Variants in FANCD2OS observed in about 807,000 individuals in gnomAD.
The protein encoded by FANCD2OS is FANCD2 opposite strand protein.
FANCD2OS carries 11 observed loss-of-function variants against 13.2 expected under a neutral mutation model. The ratio of observed to expected loss-of-function variants is 0.83; its 90% CI spans 0.52 to 1.38. FANCD2OS has a LOEUF of 1.38. FANCD2OS is among the 40% of genes most tolerant of loss of function. FANCD2OS has a pLI of 0.00. For synonymous variants in FANCD2OS, 69 were observed against 84.5 expected (o/e 0.82, Z 1.01); for missense variants, 217 against 213.9 (o/e 1.01, Z -0.09).
rs200544843 is a variant in FANCD2OS, at chr3:10,095,181, A to G, written c.*43+9017T>C. The G allele has an allele frequency of 1.3e-4, 201 of 1,602,168 alleles. No homozygotes were observed. The highest frequency in any genetic ancestry group is 1.6e-4 in the Non-Finnish European group (183 of 1,169,196). On this transcript the variant is annotated intron_variant, in intron 2 of 2. Transcript: ENST00000524279. Reference sequence around the variant, plus strand: ...AATCAGGACATTTCATAGAGCATTTATAAACTTATTGGTTATAGGAAGATG... The same window carrying G: ...AATCAGGACATTTCATAGAGCATTTGTAAACTTATTGGTTATAGGAAGATG...
chr3:10,101,810 T>C (rs1368883657), downstream of FANCD2OS: 3 of 196,200 alleles, frequency 1.5e-5, no homozygotes, highest in Non-Finnish European at 3.2e-5. Context: ...CCAGCTGTGC[T>C]ACACTGCAGA....
chr3:10,092,073 T>C, intron 2 of FANCD2OS: 4 of 874,106 alleles, frequency 4.6e-6, no homozygotes, highest in African/African-American at 3.3e-5. Context: ...GATAATTGGC[T>C]TAAATATCTG....
At chr3:10,105,764 AAAAAAAAT>A (rs1376625518) in intron 1 of FANCD2OS, among the ~76,000 whole-genome samples, 4,248 of 66,956 alleles carry the variant, frequency 0.063, 381 homozygotes, top group African/African-American at 0.2. Flanking sequence ...AAAAAAAAAA[AAAAAAAAT>A]TATATATATA....
chr3:10,094,986 A>G, intron 2 of FANCD2OS: 1 of 578,260 alleles, frequency 1.7e-6, no homozygotes, highest in Non-Finnish European at 3.1e-6. Context: ...CAGGTCTTAT[A>G]ACTCTCAGAT....
chr3:10,094,952 G>A (rs953245235), intron 2 of FANCD2OS: 9 of 520,902 alleles, frequency 1.7e-5, no homozygotes, highest in Admixed American at 6.3e-5. Context: ...ACTGAGACAT[G>A]GTAACCTATG....
In FANCD2OS at chr3:10,085,879, C is replaced by T. The variant is rs1431938056; in HGVS notation, c.*44-4348G>A. 4.3e-6 allele frequency: 7 copies of T among 1,613,590 alleles called. No individual in the cohort carries two copies. In the African/African-American group the frequency reaches 9.3e-5, roughly 22 times the overall value. On this transcript the variant is annotated intron_variant, in intron 2 of 2. Coordinates refer to the FANCD2OS transcript ENST00000524279. Reference sequence around the variant, plus strand: ...AGCCCTCCATGTCCTTAGTAGCCGACTGAAACAGGGAGAACACAGCCAGCC... The same window carrying T: ...AGCCCTCCATGTCCTTAGTAGCCGATTGAAACAGGGAGAACACAGCCAGCC...
At chr3:10,090,358 G>T in intron 2 of FANCD2OS, 8 of 1,610,272 alleles carry the variant, frequency 5.0e-6, no homozygotes, top group Non-Finnish European at 6.8e-6. Context: ...AAAAAATTGA[G>T]CCTGGCACAG....
intron 1 of FANCD2OS, among the ~76,000 whole-genome samples, chr3:10,107,673 C>T (rs1004730099): frequency 6.6e-6 from 1 of 151,812 alleles, no homozygotes; most frequent in Non-Finnish European, 1.5e-5. Flanking sequence ...TAGGTCGCGG[C>T]GCGGTGGCTC....
At position 10,092,234 on chromosome 3, in the gene FANCD2OS, C is replaced by T; in HGVS notation, c.*44-10703G>A. The stretch of plus-strand genomic sequence containing the variant: ...ACATGGCTGTTCGAGACTTCAGTAT[C>T]CTCATCAACTTGATAAAGGTGAGTA... On this transcript the variant is annotated intron_variant, in intron 2 of 2. Transcript: ENST00000524279. The T allele has an allele frequency of 1.7e-5, 27 of 1,613,388 alleles. No individual in the cohort carries two copies. The highest frequency in any genetic ancestry group is 2.3e-5 in the Non-Finnish European group (27 of 1,179,366).
chr3:10,100,346 G>A (rs562381605), downstream of FANCD2OS, among the ~76,000 whole-genome samples: 1 of 152,108 alleles, frequency 6.6e-6, no homozygotes, highest in Non-Finnish European at 1.5e-5. Flanking sequence ...ACAGAATTTT[G>A]TACTGGATTC....
chr3:10,099,659 GA>G, downstream of FANCD2OS: 1 of 153,610 alleles, frequency 6.5e-6, no homozygotes, highest in Non-Finnish European at 1.4e-5. Flanking sequence ...TTGGGAGGCT[GA>G]GGCAGGAGAA....
chr3:10,084,504 C>T (rs1448421305), intron 2 of FANCD2OS, among the ~76,000 whole-genome samples: 1 of 151,612 alleles, frequency 6.6e-6, no homozygotes, highest in Non-Finnish European at 1.5e-5. Flanking sequence ...CGCCATGTTG[C>T]CCCCAGGCTG....
At chr3:10,107,964 C>T (rs1695547888) in intron 1 of FANCD2OS, 51 bp downstream of exon 1, 1 of 152,426 alleles carries the variant, frequency 6.6e-6, no homozygotes, top group Admixed American at 6.5e-5. Flanking sequence ...AAGGTTTCCC[C>T]TTCACACCCC....
intron 2 of FANCD2OS, chr3:10,090,159 C>T: frequency 1.5e-6 from 1 of 685,986 alleles, no homozygotes; most frequent in Non-Finnish European, 2.7e-6. Context: ...CTCCCCCATC[C>T]TCTTACTAAG....
intron 2 of FANCD2OS, chr3:10,087,283 T>A: frequency 1.6e-6 from 1 of 634,456 alleles, no homozygotes; most frequent in Non-Finnish European, 2.2e-6. Flanking sequence ...CCTAGATCCT[T>A]TTTTTTTTTT....
intron 2 of FANCD2OS, chr3:10,095,217 A>T: frequency 6.2e-7 from 1 of 1,614,000 alleles, no homozygotes; most frequent in Non-Finnish European, 8.5e-7. Context: ...TTCTGAGCTT[A>T]CTGGAAACCT....
At chr3:10,087,752 G>A (rs184328551) in intron 2 of FANCD2OS, among the ~76,000 whole-genome samples, 10 of 152,108 alleles carry the variant, frequency 6.6e-5, no homozygotes, top group African/African-American at 1.4e-4. Flanking sequence ...AGGTTCAAAC[G>A]ATTCTCCTGC....
At position 10,104,453 on chromosome 3, in the gene FANCD2OS, T is replaced by G; in HGVS notation, c.322A>C (p.Thr108Pro). ...GVDSVFGRVI[T>P]AQPPKWTGTF... ...CCGGTCCACTTTGGTGGCTGAGCTG[T>G]GATAACCCTGCCAAAGACAGAATCT... The change falls in exon 2 of 2, where the codon ACA becomes CCA. Residue 108 changes from threonine (T) to proline (P), a missense_variant. Transcript: ENST00000450660. 1 of 1,614,206 alleles carries G rather than the reference T, an allele frequency of 6.2e-7. No homozygotes were observed. Among genetic ancestry groups the G allele is most frequent in the Non-Finnish European group, 8.5e-7 (1 of 1,180,036 alleles).
intron 1 of FANCD2OS, among the ~76,000 whole-genome samples, chr3:10,105,574 A>G (rs1433242518): frequency 6.6e-6 from 1 of 151,130 alleles, no homozygotes; most frequent in Non-Finnish European, 1.5e-5. Context: ...ACATGGTGAA[A>G]CCCTGTCTCT....
Sources: gnomAD v4.1 joint callset for allele counts (sites outside exome capture counted in the v4.1 genomes callset) on GRCh38, gnomAD v4.1.1 for gene constraint, MANE v1.5 for transcripts, NCBI Gene and HGNC (gene_info 2026-07-23, HGNC 2026-07-21) for gene names.